TENT2: variants seen among roughly 807,000 people sequenced by gnomAD.
TENT2 encodes the protein poly(A) RNA polymerase GLD2.
In TENT2, 44 loss-of-function variants were observed where a neutral mutation model predicts 72.2. That is an observed-to-expected ratio of 0.61 (90% CI 0.48 to 0.78). TENT2 has a LOEUF of 0.78. Among genes scored for constraint, TENT2 ranks in the 30% least tolerant of loss-of-function variants. The pLI is 0.00. For synonymous variants in TENT2, 212 were observed against 192.5 expected, an observed-to-expected ratio of 1.10 and a Z score of -0.84; for missense variants, 541 against 569.6, an observed-to-expected ratio of 0.95 and a Z score of 0.51.
intron 11 of TENT2, among the ~76,000 whole-genome samples, chr5:79,666,361 G>A (rs1387342866): frequency 6.6e-6 from 1 of 151,158 alleles, no homozygotes; most frequent in Non-Finnish European, 1.5e-5. Context: ...AAAAACTGGG[G>A]ATGTCTTTTC....
chr5:79,675,281 A>C (rs905922364), intron 12 of TENT2, among the ~76,000 whole-genome samples: 4 of 152,216 alleles, frequency 2.6e-5, no homozygotes, highest in African/African-American at 9.6e-5. Context: ...CAGATAATTC[A>C]TTAATAAAGA....
chr5:79,644,584 A>G (rs1319683407), intron 7 of TENT2: 3 of 152,164 alleles, frequency 2.0e-5, no homozygotes, highest in Admixed American at 6.6e-5. Flanking sequence ...TGAATTTCCT[A>G]TCAACTCATA....
rs149825834 is a variant in TENT2 at position 79,659,496 on chromosome 5, T to C, written c.1071+2495T>C. On this transcript the variant is annotated intron_variant, in intron 11 of 14. Transcript: ENST00000453514. ...GCAGTGAGCCCAGATTGCGCCACTG[T>C]ACTCCAGCCTCGGCGACAGAGCGAG... Among the ~76,000 whole-genome samples the C allele has an allele frequency of 3.9e-3, 486 of 123,060 alleles. 22 individuals carry two copies. The East Asian group carries it at 0.088, about 22-fold the overall frequency. The allele number at this position is 123,060 out of a possible 152,430, so 80.7% of individuals were successfully genotyped here. A position where few individuals can be genotyped will look rare whatever the true frequency, so the allele number is the denominator to read the frequency against.
rs556223388 is a variant in TENT2, at chr5:79,621,074, A to T, written c.227+991A>T. Among the ~76,000 whole-genome samples the T allele has an allele frequency of 3.3e-5, 5 of 151,248 alleles. No homozygotes were observed. In the South Asian group the frequency reaches 8.4e-4, roughly 25 times the overall value. The stretch of plus-strand genomic sequence containing the variant: ...CATTCTATAACCTTTATGTCCTATT[A>T]AAAAAAACACTATCAGTGAACAAGG... On this transcript the variant is annotated intron_variant, in intron 3 of 14. Transcript: ENST00000453514.
intron 8 of TENT2, among the ~76,000 whole-genome samples, chr5:79,646,346 T>C (rs1789009973): frequency 6.6e-6 from 1 of 152,156 alleles, no homozygotes; most frequent in African/African-American, 2.4e-5. Context: ...ACATAAAACT[T>C]GGTTATGTAT....
chr5:79,652,667 A>G (rs1046045768), intron 10 of TENT2, among the ~76,000 whole-genome samples: 3 of 152,094 alleles, frequency 2.0e-5, no homozygotes, highest in Admixed American at 6.6e-5. Context: ...TAATCTTAAT[A>G]CATGTATTTT....
intron 14 of TENT2, among the ~76,000 whole-genome samples, chr5:79,684,362 T>C (rs1446485866): frequency 6.6e-6 from 1 of 152,202 alleles, no homozygotes; most frequent in Admixed American, 6.5e-5. Flanking sequence ...CGCTCAATGA[T>C]CCTCCCACCT....
intron 12 of TENT2, among the ~76,000 whole-genome samples, chr5:79,675,630 G>C (rs937209269): frequency 6.6e-6 from 1 of 152,200 alleles, no homozygotes; most frequent in African/African-American, 2.4e-5. Context: ...TTGGGGAGTA[G>C]ATTTAATCAG....
chr5:79,640,987 G>T, intron 5 of TENT2, 22 bp downstream of exon 5: 1 of 1,548,598 alleles, frequency 6.5e-7, no homozygotes, highest in Non-Finnish European at 8.8e-7. Context: ...TATTTTGCAT[G>T]TCCTTTAGGT....
chr5:79,683,142 A>G (rs990282403), intron 14 of TENT2, among the ~76,000 whole-genome samples: 2 of 151,920 alleles, frequency 1.3e-5, no homozygotes, highest in African/African-American at 4.8e-5. Flanking sequence ...GAGAGACTCC[A>G]CCTCTAAAAA....
intron 12 of TENT2, among the ~76,000 whole-genome samples, chr5:79,675,640 G>A (rs780269285): frequency 1.3e-5 from 2 of 152,202 alleles, no homozygotes; most frequent in Non-Finnish European, 2.9e-5. Context: ...GATTTAATCA[G>A]GGTTGTGTTT....
chr5:79,614,780 A>T (rs548925547), intron 1 of TENT2, among the ~76,000 whole-genome samples: 25 of 152,250 alleles, frequency 1.6e-4, no homozygotes, highest in African/African-American at 5.5e-4. Flanking sequence ...GTATTTTGTG[A>T]AACTCTACAG....
chr5:79,635,576 A>ACAG (rs1366689866), intron 4 of TENT2, among the ~76,000 whole-genome samples: 4 of 151,802 alleles, frequency 2.6e-5, no homozygotes, highest in Non-Finnish European at 5.9e-5. Flanking sequence ...TTTTTTGGAG[A>ACAG]CAGAGTCTTG....
intron 1 of TENT2, chr5:79,614,061 C>T (rs1757355779): frequency 2.3e-5 from 3 of 129,226 alleles, no homozygotes; most frequent in African/African-American, 5.6e-5. Context: ...GGACCAAATA[C>T]TTTATAACTA....
chr5:79,660,737 T>G (rs1802186141), intron 11 of TENT2, among the ~76,000 whole-genome samples: 1 of 152,312 alleles, frequency 6.6e-6, no homozygotes, highest in East Asian at 1.9e-4. Flanking sequence ...CTTTTTATCA[T>G]TATTTGTGAG....
chr5:79,621,430 G>A (rs901650232), intron 3 of TENT2, among the ~76,000 whole-genome samples: 1 of 152,018 alleles, frequency 6.6e-6, no homozygotes, highest in Non-Finnish European at 1.5e-5. Context: ...TTTAGAAATT[G>A]CCTTTATAGC....
intron 14 of TENT2, among the ~76,000 whole-genome samples, chr5:79,683,386 T>C (rs1823729333): frequency 6.6e-6 from 1 of 151,890 alleles, no homozygotes; most frequent in South Asian, 2.1e-4. Context: ...GGTATGCACC[T>C]GTGTCTTAGC....
Position 79,612,750 on chromosome 5 carries a change from G to A in TENT2, c.-363G>A, listed in dbSNP as rs899602849. On this transcript the variant is annotated 5_prime_UTR_variant, in exon 1 of 15. Coordinates refer to ENST00000453514, the MANE Select transcript of TENT2 (RefSeq NM_001114394.3). ...GGGCAGTGCGGGTAGGCCCTGCTTA[G>A]CCCTTCCCGGAGGACACCTGTGAGT... The A allele has an allele frequency of 6.6e-6, 1 of 152,522 alleles. No individual in the cohort carries two copies. The highest frequency in any genetic ancestry group is 1.5e-5 in the Non-Finnish European group (1 of 68,154). 9.4% of individuals were successfully genotyped at this position (152,522 alleles called of 1,614,324 possible). A position where few individuals can be genotyped will look rare whatever the true frequency, so the allele number is the denominator to read the frequency against.
chr5:79,619,593 T>C lies in TENT2; in HGVS notation c.-37-19T>C. On this transcript the variant is annotated intron_variant, in intron 1 of 14. Coordinates refer to ENST00000453514, the MANE Select transcript of TENT2 (RefSeq NM_001114394.3). ...TTTAAGCTATGATAATTTAATATTGTCTTTTTAAATTATCCTAGGTAGAAG... is the reference window on the plus strand; with the variant it reads ...TTTAAGCTATGATAATTTAATATTGCCTTTTTAAATTATCCTAGGTAGAAG... The C allele has an allele frequency of 6.7e-7, 1 of 1,502,198 alleles. No homozygotes were observed. Among genetic ancestry groups the C allele is most frequent in the Non-Finnish European group, 9.0e-7 (1 of 1,106,760 alleles). The allele number at this position is 1,502,198 out of a possible 1,614,324, so 93.1% of individuals were successfully genotyped here.
Sources: gnomAD v4.1 joint callset for allele counts (sites outside exome capture counted in the v4.1 genomes callset) on GRCh38, gnomAD v4.1.1 for gene constraint, MANE v1.5 for transcripts, NCBI Gene and HGNC (gene_info 2026-07-23, HGNC 2026-07-21) for gene names.